The following QSOX1 variants were observed in gnomAD, a reference collection of about 807,000 sequenced individuals.
QSOX1 encodes the protein quiescin sulfhydryl oxidase 1.
In QSOX1, 40 loss-of-function variants were observed where a neutral mutation model predicts 76.1. The ratio of observed to expected loss-of-function variants is 0.53; its 90% confidence interval spans 0.41 to 0.68. The LOEUF (loss-of-function observed/expected upper bound fraction) is 0.68. Among genes scored for constraint, QSOX1 ranks in the 30% least tolerant of loss-of-function variants. The pLI, the probability that QSOX1 is intolerant of heterozygous loss-of-function variation, is 0.00. For missense variants in QSOX1, 931 were observed against 974.3 expected, an observed-to-expected ratio of 0.96 and a Z score of 0.59; for synonymous variants, 392 against 413.1, an observed-to-expected ratio of 0.95 and a Z score of 0.62.
chr1:180,195,956 A>G (rs3767165), intron 11 of QSOX1, among the ~76,000 whole-genome samples: 89,434 of 152,074 alleles, frequency 0.59, 27,921 homozygotes, highest in Non-Finnish European at 0.7. Flanking sequence ...TCCACATAGC[A>G]GGACAGTGGG....
chr1:180,159,037 C>T (rs1190369539), intron 1 of QSOX1, among the ~76,000 whole-genome samples: 2 of 152,210 alleles, frequency 1.3e-5, no homozygotes, highest in Non-Finnish European at 2.9e-5. Flanking sequence ...GCAGGGGACG[C>T]TGCCCTTGAC....
intron 10 of QSOX1, among the ~76,000 whole-genome samples, chr1:180,191,216 C>T (rs2149242111): frequency 6.6e-6 from 1 of 152,310 alleles, no homozygotes; most frequent in Non-Finnish European, 1.5e-5. Context: ...AGGATAGATA[C>T]ATGGGTGAAA....
rs572157194 is a variant in QSOX1 at position 180,159,804 on chromosome 1, C to T, written c.265+4632C>T. On this transcript the variant is annotated intron_variant, in intron 1 of 11. Coordinates refer to ENST00000367602, the MANE Select transcript of QSOX1 (RefSeq NM_002826.5). ...GAGGGACTCCATCTTGGTTTGGTCT[C>T]TTGGGCCTTGTGCAGGAGCTCAGTC... Among the ~76,000 whole-genome samples, 11 of 152,272 alleles carry T rather than the reference C, an allele frequency of 7.2e-5. 1 individual carries two copies. The South Asian group carries it at 2.3e-3, about 32-fold the overall frequency.
intron 1 of QSOX1, among the ~76,000 whole-genome samples, chr1:180,165,917 C>T (rs1662603999): frequency 6.6e-6 from 1 of 152,268 alleles, no homozygotes; most frequent in South Asian, 2.1e-4. Flanking sequence ...GCTTCTTTCC[C>T]CGCAGTTCCT....
rs551127401 is a variant in QSOX1 at position 180,169,013 on chromosome 1, G to T, written c.366+2422G>T. Among the ~76,000 whole-genome samples the T allele has an allele frequency of 5.9e-5, 9 of 152,386 alleles. 1 individual carries two copies. In the South Asian group the frequency reaches 1.7e-3, roughly 28 times the overall value. On this transcript the variant is annotated intron_variant, in intron 2 of 11. Coordinates refer to ENST00000367602, the MANE Select transcript of QSOX1 (RefSeq NM_002826.5). The stretch of plus-strand genomic sequence containing the variant: ...CACACAAGTCTGGCCTCCCTGAGTG[G>T]CATGTGTGACTGTCCTTTTCTTCTG...
At chr1:180,182,468 G>A in intron 6 of QSOX1, 149 bp downstream of exon 6, 1 of 1,122,122 alleles carries the variant, frequency 8.9e-7, no homozygotes, top group Non-Finnish European at 1.3e-6. Context: ...CTGTCTGCGG[G>A]GCCAGCGCCT....
At chr1:180,161,210 G>A (rs1163102574) in intron 1 of QSOX1, among the ~76,000 whole-genome samples, 1 of 152,246 alleles carries the variant, frequency 6.6e-6, no homozygotes, top group Admixed American at 6.5e-5. Flanking sequence ...TAATTTGCTT[G>A]CAGAAAATAT....
intron 10 of QSOX1, 88 bp from the exon 11 acceptor site, chr1:180,194,125 T>G (rs2149243181): frequency 3.8e-6 from 5 of 1,308,610 alleles, no homozygotes; most frequent in African/African-American, 1.5e-5. Flanking sequence ...CACGGCAGGA[T>G]GGGGGGCGGC....
At chr1:180,155,276 A>G in intron 1 of QSOX1, 104 bp downstream of exon 1, 1 of 1,018,054 alleles carries the variant, frequency 9.8e-7, no homozygotes, top group Non-Finnish European at 1.3e-6. Flanking sequence ...TCTTCCAGTC[A>G]CCTCCGCCCA....
chr1:180,195,439 C>G (rs529402937), intron 11 of QSOX1, among the ~76,000 whole-genome samples: 5 of 152,228 alleles, frequency 3.3e-5, no homozygotes, highest in African/African-American at 1.2e-4. Context: ...TGTTGCTGCT[C>G]CTGCTTCCTT....
chr1:180,162,132 A>G (rs1341328216), intron 1 of QSOX1, among the ~76,000 whole-genome samples: 1 of 152,248 alleles, frequency 6.6e-6, no homozygotes, highest in Admixed American at 6.5e-5. Flanking sequence ...AATAACCAAA[A>G]TTAAGGCTGA....
At position 180,154,981 on chromosome 1, in the gene QSOX1, C is replaced by A; in HGVS notation, c.74C>A (p.Pro25His). ...CTGCTGCTGTGGCTGCTCGCGGTTC[C>A]CGGCGCTAACGCGGCCCCGCGGTCG... Reference protein sequence around the residue: ...LLLLLWLLAVPGANAAPRSAL... With the variant: ...LLLLLWLLAVHGANAAPRSAL... The change falls in exon 1 of 12, where the codon CCC (proline) becomes CAC (histidine). Residue 25 changes from proline to histidine, a missense_variant. Transcript: ENST00000367602. 1 of 1,507,734 alleles carries A rather than the reference C, an allele frequency of 6.6e-7. No individual in the cohort carries two copies. The highest frequency in any genetic ancestry group is 2.1e-5 in the Admixed American group (1 of 48,392). 93.4% of individuals were successfully genotyped at this position (1,507,734 alleles called of 1,614,324 possible).
Position 180,194,384 on chromosome 1 carries a change from G to A in QSOX1, c.1460G>A (p.Arg487His), listed in dbSNP as rs145185695. The stretch of plus-strand genomic sequence containing the variant: ...TCTAGCCACAACAGGGTCAATGCTC[G>A]CCTTGCAGGTAAGGAAGGACCATCC... ...LWSSHNRVNARLAGAPSEDPQ... is the reference protein window; with the variant it reads ...LWSSHNRVNAHLAGAPSEDPQ... Residue 487 changes from arginine (R) to histidine (H), a missense_variant, in exon 11 of 12, where the codon CGC (arginine) becomes CAC (histidine). By Grantham distance (29) the Arg-to-His change is conservative (BLOSUM62 0). Coordinates refer to ENST00000367602, the MANE Select transcript of QSOX1 (RefSeq NM_002826.5). 4.0e-5 allele frequency: 62 copies of A among 1,548,592 alleles called. 1 individual carries two copies. Among genetic ancestry groups the A allele is most frequent in the East Asian group, 2.1e-4 (9 of 42,674 alleles).
chr1:180,179,795 C>T (rs919524475), intron 5 of QSOX1, among the ~76,000 whole-genome samples: 1 of 152,220 alleles, frequency 6.6e-6, no homozygotes, highest in Non-Finnish European at 1.5e-5. Context: ...TGAGCTGAAG[C>T]CAGATGCTGT....
At position 180,155,135 on chromosome 1, in the gene QSOX1, C is replaced by T; in HGVS notation, c.228C>T (p.Phe76=). The stretch of plus-strand genomic sequence containing the variant: ...CCTGGTGCGGCCACTGCATCGCCTT[C>T]GCCCCGACGTGGAAGGCGCTGGCCG... ...FASWCGHCIA[F]APTWKALAED... The change falls in exon 1 of 12, where the codon TTC becomes TTT. Residue 76 remains phenylalanine (F), a synonymous_variant. Transcript: ENST00000367602. The T allele has an allele frequency of 6.6e-7, 1 of 1,521,558 alleles. No homozygotes were observed. The highest frequency in any genetic ancestry group is 2.7e-5 in the East Asian group (1 of 37,720). The allele number at this position is 1,521,558 out of a possible 1,614,324, so 94.3% of individuals were successfully genotyped here. A position where few individuals can be genotyped will look rare whatever the true frequency, so the allele number is the denominator to read the frequency against.
Position 180,155,154 on chromosome 1 carries a change from C to G in QSOX1, c.247C>G (p.Leu83Val), listed in dbSNP as rs1375990003. The G allele has an allele frequency of 6.6e-7, 1 of 1,518,180 alleles. No individual in the cohort carries two copies. Among genetic ancestry groups the G allele is most frequent in the Admixed American group, 2.0e-5 (1 of 49,138 alleles). The allele number at this position is 1,518,180 out of a possible 1,614,324, so 94.0% of individuals were successfully genotyped here. The change falls in exon 1 of 12, where the codon CTG becomes GTG. Residue 83 changes from leucine (L) to valine (V), a missense_variant. By Grantham distance (32) the Leu-to-Val change is conservative. Transcript: ENST00000367602. ...CGCCTTCGCCCCGACGTGGAAGGCGCTGGCCGAAGACGTCAAAGGTGAGAA... is the reference window on the plus strand; with the variant it reads ...CGCCTTCGCCCCGACGTGGAAGGCGGTGGCCGAAGACGTCAAAGGTGAGAA... ...CIAFAPTWKA[L>V]AEDVKAWRPA...
At chr1:180,174,512 C>T (rs1169422980) in intron 2 of QSOX1, among the ~76,000 whole-genome samples, 1 of 152,200 alleles carries the variant, frequency 6.6e-6, no homozygotes, top group Non-Finnish European at 1.5e-5. Context: ...TGGACAGAGA[C>T]AGCAGCCTGT....
chr1:180,159,922 C>A (rs1662456613), intron 1 of QSOX1, among the ~76,000 whole-genome samples: 1 of 152,164 alleles, frequency 6.6e-6, no homozygotes, highest in South Asian at 2.1e-4. Flanking sequence ...AGGGCATCAG[C>A]ACTACTCTCA....
intron 2 of QSOX1, among the ~76,000 whole-genome samples, chr1:180,169,754 G>T (rs1662719953): frequency 6.6e-6 from 1 of 152,218 alleles, no homozygotes; most frequent in Non-Finnish European, 1.5e-5. Flanking sequence ...CTACTTGCTG[G>T]GTGCCCAGCA....
Sources: gnomAD v4.1 joint callset for allele counts (sites outside exome capture counted in the v4.1 genomes callset) on GRCh38, gnomAD v4.1.1 for gene constraint, MANE v1.5 for transcripts, NCBI Gene and HGNC (gene_info 2026-07-23, HGNC 2026-07-21) for gene names.